TENM1: variants seen among roughly 807,000 people sequenced by gnomAD.
TENM1 encodes teneurin-1.
A neutral mutation model predicts 174.8 loss-of-function variants in TENM1; 35 were observed. The ratio of observed to expected loss-of-function variants is 0.20; its 90% CI spans 0.15 to 0.27. The LOEUF (loss-of-function observed/expected upper bound fraction) is 0.27. Among genes scored for constraint, TENM1 ranks in the 10% least tolerant of loss-of-function variants. TENM1 has a pLI of 1.00. For missense variants in TENM1, 1,633 were observed against 2,130.1 expected, an observed-to-expected ratio of 0.77 and a Z score of 4.59; for synonymous variants, 781 against 798.7, an observed-to-expected ratio of 0.98 and a Z score of 0.37.
chrX:124,861,541 A>G (rs746225581), intron 3 of TENM1, among the ~76,000 whole-genome samples: 80 of 112,200 alleles, frequency 7.1e-4, no homozygotes, highest in Non-Finnish European at 1.4e-3. Flanking sequence ...ACTACCCTAT[A>G]GATCCACATT....
At chrX:124,462,130 CA>C (rs201771580) in intron 22 of TENM1, among the ~76,000 whole-genome samples, 22,210 of 109,560 alleles carry the variant, frequency 0.2, 2,491 homozygotes, top group African/African-American at 0.41. Flanking sequence ...GCCTCCTTTC[CA>C]AGTTAGGTGT....
the TENM1 span, among the ~76,000 whole-genome samples, chrX:125,059,321 A>T: frequency 9.0e-6 from 1 of 111,699 alleles, no homozygotes; most frequent in Non-Finnish European, 1.9e-5. Context: ...TTAATATTTT[A>T]AAAAATAAAC....
chrX:125,014,554 T>C, the TENM1 span, among the ~76,000 whole-genome samples: 131 of 112,281 alleles, frequency 1.2e-3, no homozygotes, highest in East Asian at 0.01. Context: ...ATAATTATGT[T>C]ATTATTATTT....
At chrX:124,646,112 T>C (rs984446924) in intron 9 of TENM1, among the ~76,000 whole-genome samples, 2 of 112,428 alleles carry the variant, frequency 1.8e-5, no homozygotes, top group African/African-American at 6.5e-5. Context: ...AAATAATAAC[T>C]GTAAGTCTAC....
At chrX:125,200,404 T>C in the TENM1 span, among the ~76,000 whole-genome samples, 1 of 111,157 alleles carries the variant, frequency 9.0e-6, no homozygotes, top group Admixed American at 9.6e-5. Context: ...TTGGTCACAA[T>C]TGCTAAATTC....
intron 27 of TENM1, among the ~76,000 whole-genome samples, chrX:124,402,208 G>A (rs2060408223): frequency 8.9e-6 from 1 of 111,746 alleles, no homozygotes; most frequent in Non-Finnish European, 1.9e-5. Flanking sequence ...TAAAATCCTG[G>A]CTATGAAACC....
At chrX:124,613,570 T>C (rs2050327960) in intron 11 of TENM1, among the ~76,000 whole-genome samples, 1 of 111,653 alleles carries the variant, frequency 9.0e-6, no homozygotes, top group East Asian at 2.8e-4. Context: ...AAGTATTTCA[T>C]TCTTCAAATT....
At chrX:124,864,069 A>G (rs897380323) in intron 3 of TENM1, among the ~76,000 whole-genome samples, 4 of 112,439 alleles carry the variant, frequency 3.6e-5, no homozygotes, top group East Asian at 2.8e-4. Context: ...CCCCTAAAGC[A>G]TATATCACAA....
At chrX:124,604,633 G>A (rs756583961) in intron 11 of TENM1, among the ~76,000 whole-genome samples, 30 of 111,017 alleles carry the variant, frequency 2.7e-4, no homozygotes, top group African/African-American at 8.1e-4. Context: ...CTAAGATGGC[G>A]TCTTCATTTG....
At chrX:125,125,819 A>G in the TENM1 span, among the ~76,000 whole-genome samples, 1 of 111,518 alleles carries the variant, frequency 9.0e-6, no homozygotes, top group Non-Finnish European at 1.9e-5. Flanking sequence ...GAATCGTTTG[A>G]CTCACTTTGG....
the TENM1 span, among the ~76,000 whole-genome samples, chrX:125,123,814 T>C: frequency 8.9e-6 from 1 of 112,732 alleles, no homozygotes; most frequent in African/African-American, 3.2e-5. Context: ...ACAAACAAAA[T>C]GCATACTTTT....
chrX:125,110,366 G>A, the TENM1 span, among the ~76,000 whole-genome samples: 1 of 111,501 alleles, frequency 9.0e-6, no homozygotes, highest in African/African-American at 3.3e-5. Context: ...CTTTACTAGA[G>A]CCAGTTTCTG....
chrX:125,062,254 C>A, the TENM1 span, among the ~76,000 whole-genome samples: 1 of 110,922 alleles, frequency 9.0e-6, no homozygotes, highest in Non-Finnish European at 1.9e-5. Context: ...TCACTGCCAT[C>A]TCCATAATCA....
chrX:124,885,252 T>G lies in TENM1; in HGVS notation c.535+9044A>C, dbSNP rs780119483. 6.4e-5 allele frequency among the ~76,000 whole-genome samples: 7 copies of G among 110,176 alleles called. No individual in the cohort carries two copies. The East Asian group carries it at 2.0e-3, about 31-fold the overall frequency. ...TACACTAAAATGGCCACTATCATGC[T>G]TTACTAATGGGGGAGTATGAATCTT... On this transcript the variant is annotated intron_variant, in intron 3 of 31. Transcript: ENST00000422452.
the TENM1 span, among the ~76,000 whole-genome samples, chrX:125,041,807 A>G: frequency 9.0e-6 from 1 of 111,647 alleles, no homozygotes; most frequent in East Asian, 2.8e-4. Flanking sequence ...CTCAAATGGT[A>G]CCACTTAATA....
intron 3 of TENM1, among the ~76,000 whole-genome samples, chrX:124,754,878 T>C (rs1391758836): frequency 9.4e-6 from 1 of 106,657 alleles, no homozygotes; most frequent in African/African-American, 3.6e-5. Context: ...TCTGTTCTTT[T>C]ACATTTGCTG....
the TENM1 span, among the ~76,000 whole-genome samples, chrX:125,134,026 C>T: frequency 4.5e-5 from 5 of 111,067 alleles, no homozygotes; most frequent in Admixed American, 9.6e-5. Flanking sequence ...TTTTGTATTT[C>T]GTTGCCAAGA....
At chrX:125,153,569 A>C in the TENM1 span, among the ~76,000 whole-genome samples, 3 of 112,526 alleles carry the variant, frequency 2.7e-5, no homozygotes, top group Admixed American at 9.4e-5. Context: ...TTTCACTTTC[A>C]TAAAGTACTT....
the TENM1 span, among the ~76,000 whole-genome samples, chrX:125,152,018 G>A: frequency 8.9e-6 from 1 of 111,734 alleles, no homozygotes; most frequent in African/African-American, 3.3e-5. Flanking sequence ...TACTCTGGGA[G>A]GCTGAAGCTG....
Sources: gnomAD v4.1 joint callset for allele counts (sites outside exome capture counted in the v4.1 genomes callset) on GRCh38, gnomAD v4.1.1 for gene constraint, MANE v1.5 for transcripts, NCBI Gene and HGNC (gene_info 2026-07-23, HGNC 2026-07-21) for gene names.